Variants in CALN1 observed in about 807,000 individuals in gnomAD.
CALN1 encodes calcium-binding protein 8.
CALN1 carries 17 observed loss-of-function variants against 30.6 expected under a neutral mutation model. The observed-to-expected ratio is 0.56, with a 90% CI of 0.38 to 0.83. The LOEUF is 0.83. CALN1 is among the 40% of genes least tolerant of loss of function. The pLI is 0.00. For missense variants in CALN1, 291 were observed against 354.9 expected (o/e 0.82, Z 1.45); for synonymous variants, 156 against 131.4 (o/e 1.19, Z -1.28).
chr7:71,795,729 G>T (rs1242086317), intron 6 of CALN1, among the ~76,000 whole-genome samples: 1 of 151,364 alleles, frequency 6.6e-6, no homozygotes, highest in African/African-American at 2.4e-5. Context: ...CGATCATACA[G>T]TAGGTGACCT....
intron 3 of CALN1, among the ~76,000 whole-genome samples, chr7:72,203,758 G>A (rs1248294090): frequency 2.0e-5 from 3 of 152,040 alleles, no homozygotes; most frequent in Non-Finnish European, 2.9e-5. Context: ...TTTAAAAGGT[G>A]TCTTTGTTGC....
chr7:72,044,590 C>T (rs913364122), intron 4 of CALN1, among the ~76,000 whole-genome samples: 4 of 141,532 alleles, frequency 2.8e-5, no homozygotes, highest in East Asian at 2.2e-4. Flanking sequence ...GAATAATTTC[C>T]GCTTAAAACT....
chr7:72,239,587 C>T (rs1021032659), intron 3 of CALN1, among the ~76,000 whole-genome samples: 3 of 151,982 alleles, frequency 2.0e-5, no homozygotes, highest in African/African-American at 7.3e-5. Flanking sequence ...CAAAATCTTC[C>T]TAAATTATCT....
chr7:71,961,534 C>T (rs1279688244), intron 5 of CALN1, among the ~76,000 whole-genome samples: 1 of 152,140 alleles, frequency 6.6e-6, no homozygotes, highest in Non-Finnish European at 1.5e-5. Context: ...ACTGTACTCC[C>T]ATGGGTACTG....
At chr7:72,173,307 TAAGG>T (rs989056810) in intron 3 of CALN1, among the ~76,000 whole-genome samples, 10 of 152,218 alleles carry the variant, frequency 6.6e-5, no homozygotes, top group Middle Eastern at 6.8e-3. Context: ...ATTTGGGCCT[TAAGG>T]AAGACCTAAA....
rs368523947 is a variant in CALN1 at position 71,922,007 on chromosome 7, G to T, written c.501+101650C>A. ...ACAATGAGTGCGTTCTTACTGAGTG[G>T]CCGTTATGGCCAGGGAGCTGGAGAT... is the stretch of plus-strand genomic sequence containing the variant. On this transcript the variant is annotated intron_variant, in intron 5 of 6. Coordinates refer to ENST00000395275, the MANE Select transcript of CALN1 (RefSeq NM_031468.4). Among the ~76,000 whole-genome samples the T allele has an allele frequency of 3.3e-5, 5 of 152,296 alleles. No individual in the cohort carries two copies. The East Asian group carries it at 7.7e-4, about 24-fold the overall frequency.
intron 5 of CALN1, among the ~76,000 whole-genome samples, chr7:71,911,450 T>G (rs1794420178): frequency 6.6e-6 from 1 of 152,176 alleles, no homozygotes; most frequent in Non-Finnish European, 1.5e-5. Context: ...TTAGTTTGTT[T>G]GAGACCAGTT....
At chr7:72,036,074 T>A (rs946709982) in intron 4 of CALN1, among the ~76,000 whole-genome samples, 2 of 152,264 alleles carry the variant, frequency 1.3e-5, no homozygotes, top group African/African-American at 4.8e-5. Flanking sequence ...TAAAAATGTC[T>A]TAATTTCTCC....
intron 3 of CALN1, among the ~76,000 whole-genome samples, chr7:72,148,656 G>A (rs958638941): frequency 1.3e-5 from 2 of 152,092 alleles, no homozygotes; most frequent in African/African-American, 4.8e-5. Context: ...TGTAATCCCA[G>A]CACTTTGGGA....
intron 3 of CALN1, among the ~76,000 whole-genome samples, chr7:72,268,805 ACACAC>A (rs1796765787): frequency 6.6e-6 from 1 of 151,814 alleles, no homozygotes; most frequent in Non-Finnish European, 1.5e-5. Flanking sequence ...ACACACACAC[ACACAC>A]ACACACACAC....
In CALN1 at chr7:72,239,081, C is replaced by A. The variant is rs188107308; in HGVS notation, c.244+39605G>T. ...GTTGTACTCCGTGACTTCTAAAATA[C>A]CTCCTGGTGCTTTCTATTCAAATAT... On this transcript the variant is annotated intron_variant, in intron 3 of 6. Transcript: ENST00000395275. Among the ~76,000 whole-genome samples the A allele has an allele frequency of 1.2e-3, 190 of 152,278 alleles. No individual in the cohort carries two copies. The Middle Eastern group carries it at 0.024, about 19-fold the overall frequency.
At chr7:72,057,422 T>G (rs554273200) in intron 4 of CALN1, among the ~76,000 whole-genome samples, 3 of 151,048 alleles carry the variant, frequency 2.0e-5, no homozygotes, top group African/African-American at 7.3e-5. Flanking sequence ...TAATTCCTTT[T>G]CTGGAATCTG....
At chr7:71,949,622 C>G (rs537705660) in intron 5 of CALN1, among the ~76,000 whole-genome samples, 2 of 152,064 alleles carry the variant, frequency 1.3e-5, no homozygotes, top group Admixed American at 1.3e-4. Context: ...TCAAGTGATT[C>G]ACCCACCCCG....
intron 3 of CALN1, among the ~76,000 whole-genome samples, chr7:72,212,283 A>T (rs1019763971): frequency 6.1e-5 from 9 of 148,130 alleles, no homozygotes; most frequent in Non-Finnish European, 1.0e-4. Flanking sequence ...CACGAGGTGG[A>T]GGACTGCAGT....
intron 5 of CALN1, among the ~76,000 whole-genome samples, chr7:71,940,649 G>A (rs551014916): frequency 5.3e-5 from 8 of 152,128 alleles, no homozygotes; most frequent in Admixed American, 2.0e-4. Context: ...CACCCAGGCC[G>A]GGTTGGTGTA....
At chr7:72,004,054 A>G (rs1235059342) in intron 5 of CALN1, among the ~76,000 whole-genome samples, 1 of 152,250 alleles carries the variant, frequency 6.6e-6, no homozygotes, top group Non-Finnish European at 1.5e-5. Context: ...ACATGGAAAT[A>G]CACAGATCTT....
At chr7:71,978,262 C>CTTTTTTTTTTTTTTTTTTTTTTTTTTT (rs1010635078) in intron 5 of CALN1, among the ~76,000 whole-genome samples, 1 of 72,948 alleles carries the variant, frequency 1.4e-5, no homozygotes, top group African/African-American at 5.7e-5. Context: ...CTAGAGAATT[C>CTTTTTTTTTTTTTTTTTTTTTTTTTTT]TTTTTTTTTT....
chr7:72,446,526 G>C (rs957536657), intron 1 of CALN1, among the ~76,000 whole-genome samples: 25 of 152,098 alleles, frequency 1.6e-4, no homozygotes, highest in Middle Eastern at 3.2e-3. Context: ...GGGGCGGGGA[G>C]GGGGGACAGG....
chr7:72,418,938 C>T (rs567052012), intron 1 of CALN1, among the ~76,000 whole-genome samples: 4 of 152,174 alleles, frequency 2.6e-5, no homozygotes, highest in Admixed American at 2.6e-4. Flanking sequence ...ATTGCTTGAG[C>T]CCAGGAGGTT....
Sources: gnomAD v4.1 joint callset for allele counts (sites outside exome capture counted in the v4.1 genomes callset) on GRCh38, gnomAD v4.1.1 for gene constraint, MANE v1.5 for transcripts, NCBI Gene and HGNC (gene_info 2026-07-23, HGNC 2026-07-21) for gene names.